The following PLEKHA5 variants were observed in gnomAD, a reference collection of about 807,000 sequenced individuals.
PLEKHA5 encodes the protein pleckstrin homology domain containing A5.
PLEKHA5 carries 55 observed loss-of-function variants against 181.9 expected under a neutral mutation model. That is an observed-to-expected ratio of 0.30 (90% CI 0.24 to 0.38). The LOEUF (loss-of-function observed/expected upper bound fraction) is 0.38, where lower values mean the gene tolerates loss of function less well. Ranked by LOEUF, PLEKHA5 falls within the 10% of genes least tolerant of loss-of-function variation. The pLI is 1.00. For missense variants in PLEKHA5, 1,432 were observed against 1,549.5 expected (o/e 0.92, Z 1.27); for synonymous variants, 535 against 529.4 (o/e 1.01, Z -0.15).
intron 3 of PLEKHA5, among the ~76,000 whole-genome samples, chr12:19,245,747 A>C (rs990920955): frequency 4.0e-5 from 6 of 150,628 alleles, no homozygotes; most frequent in African/African-American, 7.3e-5. Flanking sequence ...AAAAAAAAAA[A>C]AAACCTTCCT....
At chr12:19,306,665 C>A in intron 15 of PLEKHA5, 1 of 1,451,500 alleles carries the variant, frequency 6.9e-7, no homozygotes, top group Non-Finnish European at 9.6e-7. Context: ...CTGATCTCCC[C>A]GGGCGCTAGC....
intron 3 of PLEKHA5, among the ~76,000 whole-genome samples, chr12:19,146,596 GT>G (rs1171098733): frequency 6.6e-6 from 1 of 151,980 alleles, no homozygotes; most frequent in African/African-American, 2.4e-5. Flanking sequence ...TAGTAAAGCT[GT>G]TTTTTCTTAT....
At position 19,351,579 on chromosome 12, in the gene PLEKHA5, T is replaced by C. The variant is rs192087180; in HGVS notation, c.3020-2305T>C. Among the ~76,000 whole-genome samples, 298 of 152,168 alleles carry C rather than the reference T, an allele frequency of 2.0e-3. 5 individuals are homozygous for C. The highest frequency in any genetic ancestry group is 6.3e-4 in the Non-Finnish European group (43 of 68,012). On this transcript the variant is annotated intron_variant, in intron 25 of 31. Transcript: ENST00000429027. The stretch of plus-strand genomic sequence containing the variant: ...TGCTAGGGTTTAAGATAAAAGAAAT[T>C]GTTGAGACTGCAGAGAGCTGTGATC...
chr12:19,168,829 A>G (rs1334271812), intron 3 of PLEKHA5, among the ~76,000 whole-genome samples: 3 of 152,176 alleles, frequency 2.0e-5, no homozygotes, highest in Non-Finnish European at 2.9e-5. Flanking sequence ...TAATGAGTCA[A>G]TATGCTGGAG....
intron 3 of PLEKHA5, chr12:19,151,223 A>C (rs1358826234): frequency 6.6e-6 from 1 of 152,224 alleles, no homozygotes; most frequent in African/African-American, 2.4e-5. Context: ...AATGCTTTGA[A>C]AAGAGGTTGA....
rs374471355 is a variant in PLEKHA5, at chr12:19,185,857, A to G, written c.227+53407A>G. 5.7e-4 allele frequency among the ~76,000 whole-genome samples: 87 copies of G among 152,314 alleles called. 1 individual carries two copies. In the South Asian group the frequency reaches 0.018, roughly 31 times the overall value. ...TAATTAATAACACACACATACATAT[A>G]AAATCTTGTTATTTATTGTAGTTGA... On this transcript the variant is annotated intron_variant, in intron 3 of 31. Transcript: ENST00000429027.
intron 3 of PLEKHA5, among the ~76,000 whole-genome samples, chr12:19,183,554 T>G (rs1010379730): frequency 6.6e-6 from 1 of 152,130 alleles, no homozygotes; most frequent in Non-Finnish European, 1.5e-5. Context: ...TAACGACACT[T>G]TAATGTTAAG....
At chr12:19,187,582 G>A (rs1429887883) in intron 3 of PLEKHA5, among the ~76,000 whole-genome samples, 1 of 152,150 alleles carries the variant, frequency 6.6e-6, no homozygotes, top group African/African-American at 2.4e-5. Flanking sequence ...AGCCACAAGG[G>A]CTTCAGTGAC....
chr12:19,172,963 TG>T (rs375133092), intron 3 of PLEKHA5, among the ~76,000 whole-genome samples: 39 of 52,166 alleles, frequency 7.5e-4, no homozygotes, highest in Non-Finnish European at 1.9e-3. Flanking sequence ...GGAAAAAAGT[TG>T]TTTTTTTTTT....
Position 19,320,641 on chromosome 12 carries a change from T to C in PLEKHA5, c.2217+17T>C. 1.7e-6 allele frequency: 2 copies of C among 1,203,092 alleles called. No individual in the cohort carries two copies. Among genetic ancestry groups the C allele is most frequent in the Non-Finnish European group, 2.4e-6 (2 of 823,762 alleles). 74.5% of individuals were successfully genotyped at this position (1,203,092 alleles called of 1,614,324 possible). On this transcript the variant is annotated intron_variant, in intron 18 of 31. Coordinates refer to ENST00000429027, the MANE Select transcript of PLEKHA5 (RefSeq NM_001256470.2). ...GATATTGATGTAAGTATTAGTATGA[T>C]ATATGTGGTCAGTACTCTGTCGTAT...
In PLEKHA5 at chr12:19,199,769, T is replaced by C. The variant is rs111556215; in HGVS notation, c.228-54171T>C. 9.7e-3 allele frequency among the ~76,000 whole-genome samples: 1,480 copies of C among 152,300 alleles called. 31 individuals carry two copies. Among genetic ancestry groups the C allele is most frequent in the African/African-American group, 0.034 (1,396 of 41,574 alleles). ...CTGAAGCTGTGTGTAGCTGATTCTA[T>C]ATTTTATTCTCTAAGGTGAAATCTC... On this transcript the variant is annotated intron_variant, in intron 3 of 31. Transcript: ENST00000429027.
chr12:19,277,068 C>CA lies in PLEKHA5; in HGVS notation c.1313+2086dup, dbSNP rs1249892868. Among the ~76,000 whole-genome samples, 8 of 151,852 alleles carry CA rather than the reference C, an allele frequency of 5.3e-5. No homozygotes were observed. In the South Asian group the frequency reaches 1.7e-3, roughly 32 times the overall value. ...GATTACTTAATGTTGGATGGAATGA[C>CA]AGACATGAATAAGCTTATATATTAC... is the stretch of plus-strand genomic sequence containing the variant. On this transcript the variant is annotated intron_variant, in intron 11 of 31. Coordinates refer to ENST00000429027, the MANE Select transcript of PLEKHA5 (RefSeq NM_001256470.2).
Position 19,366,088 on chromosome 12 carries a change from A to G in PLEKHA5, c.3733A>G (p.Arg1245Gly). The change falls in exon 30 of 32, where the codon AGA becomes GGA. Residue 1245 changes from arginine to glycine, a missense_variant. Transcript: ENST00000429027. ...TTACGAATCAACTCCTGAGGTTTCT[A>G]GAGGAAATCAAACAATGGCAGGTAG... ...ISYESTPEVSRGNQTMAVKSL... is the reference protein window; with the variant it reads ...ISYESTPEVSGGNQTMAVKSL... The G allele has an allele frequency of 6.2e-7, 1 of 1,611,860 alleles. No individual in the cohort carries two copies. The highest frequency in any genetic ancestry group is 1.1e-5 in the South Asian group (1 of 90,526).
chr12:19,215,213 T>C (rs888291601), intron 3 of PLEKHA5, among the ~76,000 whole-genome samples: 1 of 152,174 alleles, frequency 6.6e-6, no homozygotes. Flanking sequence ...ATCTGCTTAC[T>C]AAAAACTATT....
chr12:19,193,674 C>T (rs1461468862), intron 3 of PLEKHA5, among the ~76,000 whole-genome samples: 1 of 152,178 alleles, frequency 6.6e-6, no homozygotes, highest in Non-Finnish European at 1.5e-5. Context: ...ATCCACCCTT[C>T]TCCTACCCTC....
chr12:19,143,953 TAGAATTGGAATTG>T (rs1477681922), intron 3 of PLEKHA5, among the ~76,000 whole-genome samples: 1 of 152,184 alleles, frequency 6.6e-6, no homozygotes, highest in Admixed American at 6.5e-5. Flanking sequence ...CTGTTTTTTG[TAGAATTGGAATTG>T]AGAAAATACA....
chr12:19,363,840 A>G (rs2095340015), intron 29 of PLEKHA5, among the ~76,000 whole-genome samples: 1 of 152,102 alleles, frequency 6.6e-6, no homozygotes. Context: ...CATTAAACAT[A>G]TTACCGGCAC....
chr12:19,233,854 A>G (rs2060993308), intron 3 of PLEKHA5, among the ~76,000 whole-genome samples: 1 of 152,162 alleles, frequency 6.6e-6, no homozygotes, highest in Non-Finnish European at 1.5e-5. Context: ...GTGAAAAGAG[A>G]ATCAGGATTA....
intron 3 of PLEKHA5, among the ~76,000 whole-genome samples, chr12:19,209,266 G>A (rs1047016391): frequency 1.3e-5 from 2 of 152,036 alleles, no homozygotes; most frequent in Non-Finnish European, 2.9e-5. Context: ...AAGTTTATGG[G>A]GACAACACTC....
Sources: allele counts gnomAD v4.1 joint callset (sites outside exome capture counted in the v4.1 genomes callset), GRCh38; gene constraint gnomAD v4.1.1; transcripts MANE v1.5; gene names NCBI Gene and HGNC (gene_info 2026-07-23, HGNC 2026-07-21).